RGN: variants seen among roughly 807,000 people sequenced by gnomAD.
The protein encoded by RGN is epididymis secretory protein Li 41.
A neutral mutation model predicts 20.6 loss-of-function variants in RGN; 19 were observed. The observed-to-expected ratio is 0.92, with a 90% confidence interval of 0.64 to 1.35. The LOEUF (loss-of-function observed/expected upper bound fraction) is 1.35, where lower values mean the gene tolerates loss of function less well. RGN is among the 40% of genes most tolerant of loss of function. RGN has a pLI of 0.00. For missense variants in RGN, 302 were observed against 232.7 expected, an observed-to-expected ratio of 1.30 and a Z score of -1.94; for synonymous variants, 85 against 87.2, an observed-to-expected ratio of 0.97 and a Z score of 0.14.
At chrX:47,085,751 G>A (rs186930068) in intron 4 of RGN, among the ~76,000 whole-genome samples, 48 of 111,375 alleles carry the variant, frequency 4.3e-4, no homozygotes, top group African/African-American at 1.5e-3. Flanking sequence ...CCAAGTGCTG[G>A]GATTACAGGT....
At chrX:47,087,834 TATC>T (rs1293605873) in intron 4 of RGN, among the ~76,000 whole-genome samples, 1 of 102,918 alleles carries the variant, frequency 9.7e-6, no homozygotes, top group African/African-American at 3.5e-5. Context: ...CTTTATGTAT[TATC>T]ATATATAATT....
chrX:47,083,708 C>G (rs782556660), intron 3 of RGN, among the ~76,000 whole-genome samples: 1 of 111,408 alleles, frequency 9.0e-6, no homozygotes, highest in Non-Finnish European at 1.9e-5. Context: ...GTCAGGAGTT[C>G]GAAATCAGCC....
rs1569540749 is a variant in RGN at position 47,090,948 on chromosome X, G to GAAGGAAGGAAAGAA, written c.563-728_563-727insGGAAGGAAAGAAAA. 5.5e-3 allele frequency among the ~76,000 whole-genome samples: 279 copies of GAAGGAAGGAAAGAA among 50,750 alleles called. 36 individuals are homozygous for GAAGGAAGGAAAGAA. The highest frequency in any genetic ancestry group is 0.01 in the Non-Finnish European group (234 of 22,740). 44.1% of individuals were successfully genotyped at this position (50,750 alleles called of 115,157 possible). On this transcript the variant is annotated intron_variant, in intron 5 of 7. Coordinates refer to ENST00000397180, the MANE Select transcript of RGN (RefSeq NM_152869.4). ...AGAAAGAAAGAAAGAAAGAAAGAAAGAAAGAAAGAAAGAAAGAAAGAAAGA... is the reference window on the plus strand; with the variant it reads ...AGAAAGAAAGAAAGAAAGAAAGAAAGAAGGAAGGAAAGAAAAAGAAAGAAAGAAAGAAAGAAAGA...
At chrX:47,090,834 G>T (rs1240153044) in intron 5 of RGN, among the ~76,000 whole-genome samples, 2 of 101,855 alleles carry the variant, frequency 2.0e-5, no homozygotes, top group African/African-American at 7.3e-5. Flanking sequence ...CTGTACTCCT[G>T]CCTGACGACA....
intron 3 of RGN, among the ~76,000 whole-genome samples, chrX:47,082,604 C>G (rs185066604): frequency 0.011 from 1,273 of 111,452 alleles, 25 homozygotes; most frequent in African/African-American, 0.039. Context: ...TGGGCCACCA[C>G]GCCCAGCCTT....
intron 1 of RGN, among the ~76,000 whole-genome samples, chrX:47,078,917 G>A (rs1556380105): frequency 9.4e-6 from 1 of 106,519 alleles, no homozygotes; most frequent in African/African-American, 3.4e-5. Flanking sequence ...CTGATAGGAT[G>A]AAGGCCTTTG....
chrX:47,082,416 T>C (rs782553975), intron 3 of RGN, among the ~76,000 whole-genome samples: 10 of 103,529 alleles, frequency 9.7e-5, no homozygotes, highest in Non-Finnish European at 1.8e-4. Flanking sequence ...GCTCAAGCGA[T>C]CCTCCCACCT....
chrX:47,089,734 A>G (rs782045270), intron 4 of RGN, 42 bp from the exon 5 acceptor site: 71 of 1,045,540 alleles, frequency 6.8e-5, no homozygotes, highest in Non-Finnish European at 1.3e-6. Flanking sequence ...GCATGGGGTA[A>G]GATGCTATGG....
intron 5 of RGN, 55 bp from the exon 6 acceptor site, chrX:47,091,623 T>C: frequency 8.6e-7 from 1 of 1,166,636 alleles, no homozygotes; most frequent in Non-Finnish European, 1.1e-6. Flanking sequence ...TCTCAGTATT[T>C]AGTGGCCTGT....
intron 5 of RGN, among the ~76,000 whole-genome samples, chrX:47,091,118 G>C (rs947308697): frequency 9.0e-5 from 10 of 110,809 alleles, no homozygotes; most frequent in African/African-American, 2.6e-4. Flanking sequence ...TTTGATATTT[G>C]TTTTTTGTAT....
chrX:47,090,927 A>AAAAAGAAAGAAG, intron 5 of RGN, among the ~76,000 whole-genome samples: 1 of 31,145 alleles, frequency 3.2e-5, no homozygotes, highest in Non-Finnish European at 7.4e-5. Context: ...AAAGAAAGAA[A>AAAAAGAAAGAAG]GAAAGAAAGA....
rs1183398981 is a variant in RGN, at chrX:47,088,945, AAAG to A, written c.347-811_347-809del. Among the ~76,000 whole-genome samples, 249 of 83,373 alleles carry A rather than the reference AAAG, an allele frequency of 3.0e-3. 5 individuals are homozygous for A. Among genetic ancestry groups the A allele is most frequent in the African/African-American group, 9.5e-3 (203 of 21,431 alleles). The allele number at this position is 83,373 out of a possible 115,157, so 72.4% of individuals were successfully genotyped here. The stretch of plus-strand genomic sequence containing the variant: ...CAACACTCTGCCAAAAAAAAAAAAA[AAAG>A]AAGAAGAAGAAGAAGAAGATAGAAG... On this transcript the variant is annotated intron_variant, in intron 4 of 7. Coordinates refer to ENST00000397180, the MANE Select transcript of RGN (RefSeq NM_152869.4).
rs1556381173 is a variant in RGN at position 47,081,224 on chromosome X, ACT to A, written c.85_86del (p.Leu29AlafsTer66). ...TCTCCAGTATGGGAGGAAGTGTCCA[ACT>A]CTCTGCTCTTTGTAGACATTCCTGC... On this transcript the variant is annotated frameshift_variant, in exon 3 of 8. Coordinates refer to ENST00000397180, the MANE Select transcript of RGN (RefSeq NM_152869.4). LOFTEE classifies it high-confidence loss of function. 2.5e-6 allele frequency: 3 copies of A among 1,208,196 alleles called. No homozygotes were observed. Among genetic ancestry groups the A allele is most frequent in the South Asian group, 3.5e-5 (2 of 56,893 alleles).
chrX:47,081,526 G>C (rs1321697136), intron 3 of RGN, among the ~76,000 whole-genome samples: 1 of 104,864 alleles, frequency 9.5e-6, no homozygotes, highest in Non-Finnish European at 2.0e-5. Context: ...TTTTTTTGGG[G>C]GGGGGGGTGT....
chrX:47,081,173 T>C lies in RGN; in HGVS notation c.29T>C (p.Leu10Ser), dbSNP rs1556381119. MSSIKIECV[L>S]PENCRCGESP... ...TCTTCCATTAAGATTGAGTGTGTTT[T>C]GCCAGAGAACTGCCGGTGTGGTGAG... The change falls in exon 3 of 8, where the codon TTG becomes TCG. Residue 10 changes from leucine to serine, a missense_variant. Transcript: ENST00000397180. 2 of 1,208,030 alleles carry C rather than the reference T, an allele frequency of 1.7e-6. No individual in the cohort carries two copies. Among genetic ancestry groups the C allele is most frequent in the East Asian group, 5.9e-5 (2 of 33,828 alleles).
At chrX:47,091,462 A>G (rs1374925632) in intron 5 of RGN, among the ~76,000 whole-genome samples, 1 of 111,658 alleles carries the variant, frequency 9.0e-6, no homozygotes, top group Non-Finnish European at 1.9e-5. Context: ...TTCTCTCTCC[A>G]TCTGAATGCT....
chrX:47,093,202 A>AT lies in RGN; in HGVS notation c.*257dup. 2.8e-6 allele frequency: 1 copy of AT among 351,030 alleles called. No individual in the cohort carries two copies. The highest frequency in any genetic ancestry group is 4.7e-5 in the East Asian group (1 of 21,333). 28.9% of individuals were successfully genotyped at this position (351,030 alleles called of 1,213,427 possible). On this transcript the variant is annotated 3_prime_UTR_variant, in exon 8 of 8. Coordinates refer to ENST00000397180, the MANE Select transcript of RGN (RefSeq NM_152869.4). ...CGTTCAACTGTCAATCAGCCTCTTGATTCTTTGTAAATTGCCAGGGTGGGT... is the reference window on the plus strand; with the variant it reads ...CGTTCAACTGTCAATCAGCCTCTTGATTTCTTTGTAAATTGCCAGGGTGGGT...
chrX:47,082,303 CT>C (rs11286766), intron 3 of RGN, among the ~76,000 whole-genome samples: 595 of 59,212 alleles, frequency 0.01, 1 homozygote, highest in African/African-American at 0.032. Flanking sequence ...GGGACCTCAA[CT>C]TTTTTTTTTT....
rs1569540744 is a variant in RGN at position 47,090,943 on chromosome X, A to AGAAGGAAG, written c.563-732_563-731insGGAAGGAA. ...AAGAAAGAAAGAAAGAAAGAAAGAA[A>AGAAGGAAG]GAAAGAAAGAAAGAAAGAAAGAAAG... On this transcript the variant is annotated intron_variant, in intron 5 of 7. Coordinates refer to ENST00000397180, the MANE Select transcript of RGN (RefSeq NM_152869.4). Among the ~76,000 whole-genome samples, 38 of 68,077 alleles carry AGAAGGAAG rather than the reference A, an allele frequency of 5.6e-4. 2 individuals are homozygous for AGAAGGAAG. The highest frequency in any genetic ancestry group is 2.1e-3 in the African/African-American group (35 of 17,013). The allele number at this position is 68,077 out of a possible 115,157, so 59.1% of individuals were successfully genotyped here.
Sources: allele counts gnomAD v4.1 joint callset (sites outside exome capture counted in the v4.1 genomes callset), GRCh38; gene constraint gnomAD v4.1.1; transcripts MANE v1.5; gene names NCBI Gene and HGNC (gene_info 2026-07-23, HGNC 2026-07-21).